The following DNAH7 variants were observed in gnomAD, a reference collection of about 807,000 sequenced individuals.
DNAH7 encodes the protein axonemal beta dynein heavy chain 7.
In DNAH7, 397 loss-of-function variants were observed where a neutral mutation model predicts 444.6. The ratio of observed to expected loss-of-function variants is 0.89; its 90% CI spans 0.82 to 0.97. The LOEUF (loss-of-function observed/expected upper bound fraction) is 0.97. Among genes scored for constraint, DNAH7 ranks in the 50% least tolerant of loss-of-function variants. The pLI is 0.00. For missense variants in DNAH7, 4,902 were observed against 4,800.8 expected, an observed-to-expected ratio of 1.02 and a Z score of -0.62; for synonymous variants, 1,636 against 1,624.4, an observed-to-expected ratio of 1.01 and a Z score of -0.17.
At chr2:196,043,303 G>A (rs1257588149) in intron 5 of DNAH7, among the ~76,000 whole-genome samples, 1 of 152,010 alleles carries the variant, frequency 6.6e-6, no homozygotes, top group African/African-American at 2.4e-5. Context: ...AGGTTAGAGA[G>A]AACCAAGACA....
chr2:195,753,826 T>C (rs1007440452), intron 63 of DNAH7, among the ~76,000 whole-genome samples: 6 of 152,168 alleles, frequency 3.9e-5, no homozygotes, highest in African/African-American at 1.4e-4. Context: ...CTATTAGCTA[T>C]AAGTTTTGGA....
intron 15 of DNAH7, among the ~76,000 whole-genome samples, chr2:195,980,084 A>C (rs1270166933): frequency 2.1e-5 from 3 of 145,142 alleles, no homozygotes; most frequent in Non-Finnish European, 4.5e-5. Context: ...AAAAAAAAAA[A>C]AACTAGAGGA....
chr2:195,878,001 A>T (rs1433318868), intron 36 of DNAH7, among the ~76,000 whole-genome samples: 1 of 152,188 alleles, frequency 6.6e-6, no homozygotes, highest in Non-Finnish European at 1.5e-5. Context: ...TTGTATAGTT[A>T]TAATGTAAGT....
At chr2:195,755,822 A>T (rs1240413305) in intron 62 of DNAH7, among the ~76,000 whole-genome samples, 2 of 152,204 alleles carry the variant, frequency 1.3e-5, no homozygotes, top group Non-Finnish European at 2.9e-5. Flanking sequence ...GTTCTGGGCA[A>T]TGAAGCTATA....
chr2:195,869,464 CAT>C (rs1177623977), intron 40 of DNAH7, among the ~76,000 whole-genome samples: 1 of 151,520 alleles, frequency 6.6e-6, no homozygotes, highest in Non-Finnish European at 1.5e-5. Flanking sequence ...ATGAACAACA[CAT>C]ATAACGAATG....
chr2:195,772,598 T>A (rs979016750), intron 60 of DNAH7, among the ~76,000 whole-genome samples: 1 of 152,186 alleles, frequency 6.6e-6, no homozygotes, highest in African/African-American at 2.4e-5. Context: ...CAAGTACTAT[T>A]AGAACATAAA....
In DNAH7 at chr2:195,872,414, T is replaced by G; in HGVS notation, c.6469A>C (p.Met2157Leu). Residue 2157 changes from methionine (M) to leucine (L), a missense_variant, in exon 40 of 65, where the codon ATG (methionine) becomes CTG (leucine). Met to Leu is a conservative substitution (Grantham distance 15). Transcript: ENST00000312428. ...DLTTQIVNGT[M>L]TLYKEAMKNL... ...TTCATTGCTTCTTTATACAGAGTCATTGTGCCATTTACGATTTGTGTGGTC... is the reference window on the plus strand; with the variant it reads ...TTCATTGCTTCTTTATACAGAGTCAGTGTGCCATTTACGATTTGTGTGGTC... The G allele has an allele frequency of 6.2e-7, 1 of 1,612,834 alleles. No homozygotes were observed. Among genetic ancestry groups the G allele is most frequent in the Non-Finnish European group, 8.5e-7 (1 of 1,179,284 alleles).
chr2:195,808,563 G>A, intron 53 of DNAH7, 119 bp downstream of exon 53: 1 of 1,187,718 alleles, frequency 8.4e-7, no homozygotes, highest in Non-Finnish European at 1.2e-6. Flanking sequence ...ATCAAAATTT[G>A]CATTCTAACA....
chr2:196,064,732 A>G (rs571131332), intron 1 of DNAH7, among the ~76,000 whole-genome samples: 2 of 152,290 alleles, frequency 1.3e-5, no homozygotes, highest in African/African-American at 4.8e-5. Flanking sequence ...TTAATATTAC[A>G]TTTTTGAAAT....
intron 17 of DNAH7, among the ~76,000 whole-genome samples, chr2:195,969,180 G>T (rs1195129931): frequency 6.6e-6 from 1 of 152,208 alleles, no homozygotes; most frequent in Non-Finnish European, 1.5e-5. Flanking sequence ...GTGGTGGGGG[G>T]AGCAATCAGT....
At chr2:195,962,803 CTG>C (rs1442491849) in intron 17 of DNAH7, among the ~76,000 whole-genome samples, 1 of 152,220 alleles carries the variant, frequency 6.6e-6, no homozygotes, top group East Asian at 1.9e-4. Context: ...TTCTTCTACT[CTG>C]TATCTCCATG....
intron 12 of DNAH7, chr2:195,995,011 C>A: frequency 3.8e-6 from 1 of 260,982 alleles, no homozygotes; most frequent in Non-Finnish European, 7.5e-6. Context: ...CTCACTGCAA[C>A]CTCCACCTCC....
Position 195,855,926 on chromosome 2 carries a change from G to T in DNAH7, c.8480C>A (p.Ala2827Asp). ...LAAAEGELKI[A>D]MDGLRKKQAA... ...CTGCTTCTTTCTAAGACCATCCATG[G>T]CAATTTTAAGCTCCCCTTCAGCTGC... is the stretch of plus-strand genomic sequence containing the variant. Residue 2827 changes from alanine (A) to aspartate (D), a missense_variant, in exon 45 of 65, where the codon GCC (alanine) becomes GAC (aspartate). Physicochemically the swap from Ala to Asp is moderately radical, Grantham distance 126. Coordinates refer to ENST00000312428, the MANE Select transcript of DNAH7 (RefSeq NM_018897.3). The T allele has an allele frequency of 6.2e-7, 1 of 1,613,554 alleles. No individual in the cohort carries two copies. Among genetic ancestry groups the T allele is most frequent in the Non-Finnish European group, 8.5e-7 (1 of 1,179,714 alleles).
chr2:196,052,883 G>A (rs1388146735), intron 2 of DNAH7, among the ~76,000 whole-genome samples: 1 of 152,194 alleles, frequency 6.6e-6, no homozygotes, highest in Non-Finnish European at 1.5e-5. Context: ...AGTGGATGGG[G>A]AAGGTAATCC....
intron 17 of DNAH7, among the ~76,000 whole-genome samples, chr2:195,968,663 C>T (rs1691644697): frequency 6.6e-6 from 1 of 152,186 alleles, no homozygotes; most frequent in African/African-American, 2.4e-5. Context: ...CCCAGTTCAC[C>T]AGCTCTAAGC....
chr2:195,948,733 C>T (rs1366300822), intron 19 of DNAH7, among the ~76,000 whole-genome samples: 1 of 152,156 alleles, frequency 6.6e-6, no homozygotes, highest in African/African-American at 2.4e-5. Context: ...CGTGATGCCT[C>T]TTGCTTTGTT....
At chr2:195,748,028 T>C (rs1320807265) in intron 63 of DNAH7, among the ~76,000 whole-genome samples, 2 of 152,020 alleles carry the variant, frequency 1.3e-5, no homozygotes, top group Admixed American at 1.3e-4. Context: ...TCAATTAGGA[T>C]AAGAGGAAGT....
At chr2:195,947,721 A>G (rs1031998113) in intron 19 of DNAH7, among the ~76,000 whole-genome samples, 5 of 151,932 alleles carry the variant, frequency 3.3e-5, no homozygotes, top group Admixed American at 2.6e-4. Context: ...GGTTCCAAGT[A>G]TTTGCTATTG....
Position 196,024,516 on chromosome 2 carries a change from T to C in DNAH7, c.668-12A>G. On this transcript the variant is annotated splice_polypyrimidine_tract_variant and intron_variant, in intron 7 of 64. Transcript: ENST00000312428. Reference sequence around the variant, plus strand: ...TAAAACAAAATCAACTAAAAGAAAATTTTAAAATTCTGATAAATAACCTTA... The same window carrying C: ...TAAAACAAAATCAACTAAAAGAAAACTTTAAAATTCTGATAAATAACCTTA... 1 of 1,518,932 alleles carries C rather than the reference T, an allele frequency of 6.6e-7. No homozygotes were observed. The highest frequency in any genetic ancestry group is 8.9e-7 in the Non-Finnish European group (1 of 1,125,836). 94.1% of individuals were successfully genotyped at this position (1,518,932 alleles called of 1,614,324 possible).
Sources: allele counts gnomAD v4.1 joint callset (sites outside exome capture counted in the v4.1 genomes callset), GRCh38; gene constraint gnomAD v4.1.1; transcripts MANE v1.5; gene names NCBI Gene and HGNC (gene_info 2026-07-23, HGNC 2026-07-21).